Variants in CNTN4 observed in about 807,000 individuals in gnomAD.
CNTN4 encodes the protein contactin-4.
Under a neutral mutation model 122.5 loss-of-function variants are expected in CNTN4, and 77 were observed. That is an observed-to-expected ratio of 0.63 (90% CI 0.52 to 0.76). The LOEUF (loss-of-function observed/expected upper bound fraction) is 0.76, where lower values mean the gene tolerates loss of function less well. Ranked by LOEUF, CNTN4 falls within the 30% of genes least tolerant of loss-of-function variation. The probability of loss-of-function intolerance (pLI) is 0.00; values close to 1 mark genes in which losing one functional copy is unlikely to be tolerated. For synonymous variants in CNTN4, 512 were observed against 447.0 expected (o/e 1.15, Z -1.83); for missense variants, 1,256 against 1,259.1 (o/e 1.00, Z 0.04).
intron 7 of CNTN4, among the ~76,000 whole-genome samples, chr3:2,865,319 A>G (rs1433495597): frequency 1.3e-5 from 2 of 152,218 alleles, no homozygotes; most frequent in African/African-American, 2.4e-5. Flanking sequence ...AAGGCAGAAT[A>G]TGTTTCCTGT....
chr3:2,435,453 G>C (rs1401831105), intron 3 of CNTN4, among the ~76,000 whole-genome samples: 1 of 152,078 alleles, frequency 6.6e-6, no homozygotes, highest in East Asian at 1.9e-4. Context: ...TACATGTTCA[G>C]TACAGACACA....
intron 5 of CNTN4, among the ~76,000 whole-genome samples, chr3:2,737,956 AG>A (rs2089235398): frequency 1.3e-5 from 2 of 152,260 alleles, no homozygotes; most frequent in East Asian, 3.8e-4. Context: ...ACTGCAAGAT[AG>A]GTCTGAAGAA....
intron 2 of CNTN4, among the ~76,000 whole-genome samples, chr3:2,138,144 GC>G (rs1252284554): frequency 1.3e-5 from 2 of 149,258 alleles, no homozygotes; most frequent in Non-Finnish European, 3.0e-5. Flanking sequence ...TCAGCTCACT[GC>G]AACCTCCACT....
intron 2 of CNTN4, among the ~76,000 whole-genome samples, chr3:2,257,112 C>T (rs2040626624): frequency 6.6e-6 from 1 of 151,712 alleles, no homozygotes. Context: ...TGGAATAGAA[C>T]AGAGGCCTCA....
chr3:2,380,712 T>C (rs978295415), intron 3 of CNTN4, among the ~76,000 whole-genome samples: 1 of 152,064 alleles, frequency 6.6e-6, no homozygotes. Context: ...TTTTTTTTTT[T>C]TTCCATTCTT....
chr3:2,543,377 G>A (rs1252173384), intron 3 of CNTN4, among the ~76,000 whole-genome samples: 3 of 152,110 alleles, frequency 2.0e-5, no homozygotes, highest in Admixed American at 1.3e-4. Context: ...AGGCATGCTG[G>A]AGAGGCAGTT....
intron 2 of CNTN4, among the ~76,000 whole-genome samples, chr3:2,192,571 A>T (rs1283562545): frequency 6.6e-6 from 1 of 152,100 alleles, no homozygotes; most frequent in Non-Finnish European, 1.5e-5. Flanking sequence ...ATCTACAAAG[A>T]ACTCAAACAA....
At chr3:2,931,052 G>C (rs2094516074) in intron 13 of CNTN4, among the ~76,000 whole-genome samples, 1 of 152,192 alleles carries the variant, frequency 6.6e-6, no homozygotes, top group Non-Finnish European at 1.5e-5. Context: ...TTTTATGCAA[G>C]GGAGTGTGCA....
At chr3:2,187,779 T>C (rs1394543037) in intron 2 of CNTN4, among the ~76,000 whole-genome samples, 6 of 152,174 alleles carry the variant, frequency 3.9e-5, no homozygotes, top group African/African-American at 1.4e-4. Context: ...GAGGACTAGA[T>C]GCCACATTTT....
intron 7 of CNTN4, among the ~76,000 whole-genome samples, chr3:2,838,417 T>C (rs549574823): frequency 3.5e-4 from 54 of 152,140 alleles, no homozygotes; most frequent in Non-Finnish European, 6.9e-4. Context: ...CCTATTCCAA[T>C]AGAAGCTGGG....
At chr3:2,652,600 T>C (rs2083411065) in intron 4 of CNTN4, among the ~76,000 whole-genome samples, 1 of 152,070 alleles carries the variant, frequency 6.6e-6, no homozygotes, top group Admixed American at 6.6e-5. Flanking sequence ...GGTGCCAATG[T>C]TTCTAGGCAC....
intron 3 of CNTN4, among the ~76,000 whole-genome samples, chr3:2,565,121 T>C (rs1477597322): frequency 2.6e-5 from 4 of 152,066 alleles, no homozygotes; most frequent in Non-Finnish European, 1.5e-5. Context: ...AAATCAACCA[T>C]TGGGTAGGTG....
intron 7 of CNTN4, among the ~76,000 whole-genome samples, chr3:2,850,735 C>G (rs1418159673): frequency 1.3e-5 from 2 of 152,126 alleles, no homozygotes; most frequent in Non-Finnish European, 2.9e-5. Context: ...AAGTCATTAC[C>G]TATGCGAACC....
intron 7 of CNTN4, among the ~76,000 whole-genome samples, chr3:2,828,299 C>T (rs938675446): frequency 1.3e-5 from 2 of 152,004 alleles, no homozygotes; most frequent in African/African-American, 2.4e-5. Context: ...ACCTGAGAAG[C>T]GACTTCCCTG....
intron 14 of CNTN4, among the ~76,000 whole-genome samples, chr3:3,019,789 T>C (rs868848426): frequency 3.1e-5 from 3 of 97,432 alleles, no homozygotes; most frequent in East Asian, 2.7e-4. Context: ...TATATATATA[T>C]ATATATATAC....
chr3:2,351,385 G>A (rs983720786), intron 3 of CNTN4, among the ~76,000 whole-genome samples: 2 of 152,174 alleles, frequency 1.3e-5, no homozygotes, highest in African/African-American at 4.8e-5. Flanking sequence ...TGTTCAGCAT[G>A]CAGAAGGAGA....
intron 3 of CNTN4, among the ~76,000 whole-genome samples, chr3:2,430,449 C>T (rs1282917571): frequency 6.7e-6 from 1 of 148,794 alleles, no homozygotes; most frequent in East Asian, 2.0e-4. Context: ...AAAGGAAATG[C>T]AGAAATCACC....
chr3:2,741,009 T>C (rs890121422), intron 5 of CNTN4, among the ~76,000 whole-genome samples: 2 of 152,336 alleles, frequency 1.3e-5, no homozygotes, highest in East Asian at 1.9e-4. Flanking sequence ...AACAGAATTT[T>C]CATCCAAGAT....
At chr3:2,469,390 C>T (rs76645504) in intron 3 of CNTN4, among the ~76,000 whole-genome samples, 4 of 152,200 alleles carry the variant, frequency 2.6e-5, no homozygotes, top group Admixed American at 1.3e-4. Flanking sequence ...AGCAGGTGCT[C>T]ATTCTGTCCC....
Sources: allele counts gnomAD v4.1 joint callset (sites outside exome capture counted in the v4.1 genomes callset), GRCh38; gene constraint gnomAD v4.1.1; transcripts MANE v1.5; gene names NCBI Gene and HGNC (gene_info 2026-07-23, HGNC 2026-07-21).